Variants in SMYD3 observed in about 807,000 individuals in gnomAD.
SMYD3 encodes histone-lysine N-methyltransferase SMYD3.
In SMYD3, 36 loss-of-function variants were observed where a neutral mutation model predicts 57.7. The observed-to-expected ratio is 0.62, with a 90% CI of 0.48 to 0.82. The LOEUF (loss-of-function observed/expected upper bound fraction) is 0.82, where lower values mean the gene tolerates loss of function less well. Among genes scored for constraint, SMYD3 ranks in the 40% least tolerant of loss-of-function variants. SMYD3 has a pLI of 0.00. For synonymous variants in SMYD3, 211 were observed against 195.0 expected (o/e 1.08, Z -0.68); for missense variants, 515 against 538.8 (o/e 0.96, Z 0.44).
At chr1:246,408,499 T>C (rs2066905681) in intron 1 of SMYD3, among the ~76,000 whole-genome samples, 1 of 152,112 alleles carries the variant, frequency 6.6e-6, no homozygotes, top group Non-Finnish European at 1.5e-5. Context: ...AATATTTTAC[T>C]ATACAGGAAA....
intron 5 of SMYD3, among the ~76,000 whole-genome samples, chr1:245,991,749 C>A (rs1023523572): frequency 4.6e-5 from 7 of 152,216 alleles, no homozygotes; most frequent in Non-Finnish European, 8.8e-5. Flanking sequence ...TACAACTGAA[C>A]CCCAGAAACG....
intron 10 of SMYD3, among the ~76,000 whole-genome samples, chr1:245,812,379 A>C (rs971200341): frequency 3.3e-5 from 5 of 152,090 alleles, no homozygotes; most frequent in African/African-American, 1.2e-4. Context: ...AGGGTTTGTA[A>C]ACCTTCCCCT....
chr1:246,357,584 G>A (rs1373905289), intron 1 of SMYD3, among the ~76,000 whole-genome samples: 1 of 152,058 alleles, frequency 6.6e-6, no homozygotes, highest in African/African-American at 2.4e-5. Context: ...GACTCACCCT[G>A]AATTATTTCT....
At chr1:246,110,357 C>A (rs1342623619) in intron 5 of SMYD3, among the ~76,000 whole-genome samples, 1 of 152,180 alleles carries the variant, frequency 6.6e-6, no homozygotes, top group Non-Finnish European at 1.5e-5. Context: ...CAGGTTCCAG[C>A]CCATGCTGAG....
Position 246,399,885 on chromosome 1 carries a change from T to A in SMYD3, c.165-44791A>T, listed in dbSNP as rs9787259. 2.3e-4 allele frequency among the ~76,000 whole-genome samples: 35 copies of A among 152,334 alleles called. No homozygotes were observed. The East Asian group carries it at 6.4e-3, about 28-fold the overall frequency. On this transcript the variant is annotated intron_variant, in intron 1 of 11. Coordinates refer to ENST00000490107, the MANE Select transcript of SMYD3 (RefSeq NM_001167740.2). ...ATAAAATTCAAGCATAGAAATTGAG[T>A]CTGATCTAAAAATCAGCAAATTACA... is the stretch of plus-strand genomic sequence containing the variant.
intron 5 of SMYD3, among the ~76,000 whole-genome samples, chr1:246,290,879 G>A (rs2064676277): frequency 6.6e-6 from 1 of 152,024 alleles, no homozygotes; most frequent in Non-Finnish European, 1.5e-5. Flanking sequence ...TTTCAAAGCA[G>A]CAGAAAGAAA....
chr1:246,213,088 G>A (rs538543590), intron 5 of SMYD3, among the ~76,000 whole-genome samples: 22 of 152,276 alleles, frequency 1.4e-4, no homozygotes, highest in African/African-American at 4.6e-4. Context: ...AGTGAAGGAT[G>A]CAGAGAAATG....
chr1:246,505,028 T>C (rs2068515042), intron 1 of SMYD3, among the ~76,000 whole-genome samples: 1 of 152,204 alleles, frequency 6.6e-6, no homozygotes, highest in South Asian at 2.1e-4. Flanking sequence ...ACAGAGCAAC[T>C]ACTACCACAA....
chr1:246,063,147 C>T (rs955314055), intron 5 of SMYD3, among the ~76,000 whole-genome samples: 2 of 152,124 alleles, frequency 1.3e-5, no homozygotes, highest in Admixed American at 1.3e-4. Context: ...GGAAACAACA[C>T]CAAGCGAAGT....
intron 10 of SMYD3, among the ~76,000 whole-genome samples, chr1:245,831,212 G>C (rs1268014181): frequency 5.9e-5 from 9 of 152,080 alleles, no homozygotes; most frequent in African/African-American, 2.2e-4. Flanking sequence ...ATAAATTACT[G>C]TCCTTCACAA....
At chr1:246,282,305 C>CAAAAAAAAAAAAAAAAAAAAAAAAAAAA (rs57740230) in intron 5 of SMYD3, among the ~76,000 whole-genome samples, 2 of 67,930 alleles carry the variant, frequency 2.9e-5, no homozygotes, top group Non-Finnish European at 5.0e-5. Context: ...CTCATCTCTA[C>CAAAAAAAAAAAAAAAAAAAAAAAAAAAA]AAAAAAAAAA....
intron 1 of SMYD3, among the ~76,000 whole-genome samples, chr1:246,478,554 CTGT>C (rs1323801062): frequency 1.9e-4 from 20 of 105,024 alleles, no homozygotes; most frequent in African/African-American, 5.0e-4. Flanking sequence ...CACCTGTCCT[CTGT>C]CCTGGAGCTG....
chr1:246,012,942 G>A (rs981462355), intron 5 of SMYD3, among the ~76,000 whole-genome samples: 1 of 152,130 alleles, frequency 6.6e-6, no homozygotes. Flanking sequence ...TCTGGTAGGC[G>A]CTGTTTTCAC....
chr1:246,476,363 C>T (rs1046468462), intron 1 of SMYD3, among the ~76,000 whole-genome samples: 2 of 152,180 alleles, frequency 1.3e-5, no homozygotes, highest in African/African-American at 4.8e-5. Context: ...CGCCTCTATG[C>T]CTCTCGGGCT....
intron 5 of SMYD3, among the ~76,000 whole-genome samples, chr1:246,251,219 A>G (rs1158842650): frequency 6.6e-6 from 1 of 152,228 alleles, no homozygotes; most frequent in African/African-American, 2.4e-5. Context: ...TTGTTAGGAC[A>G]GTATAAAAAG....
At chr1:246,340,296 G>C (rs2065613417) in intron 2 of SMYD3, among the ~76,000 whole-genome samples, 1 of 149,670 alleles carries the variant, frequency 6.7e-6, no homozygotes, top group South Asian at 2.1e-4. Flanking sequence ...CAGAAACAAG[G>C]TTTAAAGGTA....
intron 5 of SMYD3, among the ~76,000 whole-genome samples, chr1:246,304,285 T>A (rs1171077016): frequency 6.6e-6 from 1 of 152,158 alleles, no homozygotes; most frequent in Non-Finnish European, 1.5e-5. Context: ...TAAATCTGTA[T>A]AAAGCAGGCA....
chr1:246,071,000 A>G (rs2060432780), intron 5 of SMYD3, among the ~76,000 whole-genome samples: 1 of 152,232 alleles, frequency 6.6e-6, no homozygotes, highest in East Asian at 1.9e-4. Context: ...GCTCCAAAAC[A>G]ATGAGGCTTT....
chr1:246,002,602 G>A (rs187895247), intron 5 of SMYD3, among the ~76,000 whole-genome samples: 3,334 of 100,504 alleles, frequency 0.033, 963 homozygotes, highest in African/African-American at 0.052. Context: ...ACAGGCGCCC[G>A]CCACCACGCC....
Sources: allele counts gnomAD v4.1 joint callset (sites outside exome capture counted in the v4.1 genomes callset), GRCh38; gene constraint gnomAD v4.1.1; transcripts MANE v1.5; gene names NCBI Gene and HGNC (gene_info 2026-07-23, HGNC 2026-07-21).